PDK1: variants seen among roughly 807,000 people sequenced by gnomAD.
PDK1 encodes the protein [Pyruvate dehydrogenase (acetyl-transferring)] kinase isozyme 1, mitochondrial.
PDK1 carries 39 observed loss-of-function variants against 54.2 expected under a neutral mutation model. That is an observed-to-expected ratio of 0.72 (90% CI 0.56 to 0.94). The LOEUF (loss-of-function observed/expected upper bound fraction) is 0.94, where lower values mean the gene tolerates loss of function less well. PDK1 is among the 40% of genes least tolerant of loss of function. The pLI is 0.00. For synonymous variants in PDK1, 221 were observed against 207.1 expected (o/e 1.07, Z -0.58); for missense variants, 552 against 566.0 (o/e 0.98, Z 0.25).
At chr2:172,580,914 A>G (rs1689866999) in intron 8 of PDK1, among the ~76,000 whole-genome samples, 1 of 152,218 alleles carries the variant, frequency 6.6e-6, no homozygotes, top group Non-Finnish European at 1.5e-5. Context: ...AGGCAAATAT[A>G]TAGGGACAGA....
chr2:172,723,146 T>A, the PDK1 span: 14 of 152,104 alleles, frequency 9.2e-5, no homozygotes, highest in Non-Finnish European at 1.9e-4. Context: ...ACAGTCCTGA[T>A]ATAGATAAAC....
chr2:172,633,900 G>C, the PDK1 span, among the ~76,000 whole-genome samples: 3 of 91,844 alleles, frequency 3.3e-5, no homozygotes, highest in African/African-American at 1.2e-4. Context: ...TTTTGAGACA[G>C]AGCCTTGCTC....
At position 172,608,227 on chromosome 2, in the gene PDK1, T is replaced by C. The variant is rs1691358421; in HGVS notation, c.*12258T>C. The C allele has an allele frequency of 6.6e-6, 1 of 152,150 alleles. No homozygotes were observed. Among genetic ancestry groups the C allele is most frequent in the South Asian group, 2.1e-4 (1 of 4,822 alleles). The allele number at this position is 152,150 out of a possible 1,614,324, so 9.4% of individuals were successfully genotyped here. A position where few individuals can be genotyped will look rare whatever the true frequency, so the allele number is the denominator to read the frequency against. ...GCTGTACTAAAGTCTATTTAGGAAA[T>C]GGAAATATATAGCAAGAGGAGTCAG... is the stretch of plus-strand genomic sequence containing the variant. On this transcript the variant is annotated 3_prime_UTR_variant, in exon 11 of 11. Coordinates refer to ENST00000282077, the MANE Select transcript of PDK1 (RefSeq NM_002610.5).
chr2:172,556,147 C>A lies in PDK1; in HGVS notation c.-4C>A. 1 of 1,410,452 alleles carries A rather than the reference C, an allele frequency of 7.1e-7. No homozygotes were observed. Among genetic ancestry groups the A allele is most frequent in the South Asian group, 1.5e-5 (1 of 66,638 alleles). 87.4% of individuals were successfully genotyped at this position (1,410,452 alleles called of 1,614,324 possible). ...TGGCTGTGGCTTCTCTAGCGGGACT[C>A]GGCATGAGGCTGGCGCGGCTGCTTC... On this transcript the variant is annotated 5_prime_UTR_variant, in exon 1 of 11. Transcript: ENST00000282077.
intron 1 of PDK1, among the ~76,000 whole-genome samples, chr2:172,557,120 AC>A (rs1398540519): frequency 4.6e-5 from 7 of 152,322 alleles, no homozygotes; most frequent in Admixed American, 3.9e-4. Flanking sequence ...ATTGAACGAT[AC>A]CTGCATGGTT....
chr2:172,688,718 G>C, the PDK1 span, among the ~76,000 whole-genome samples: 1 of 152,182 alleles, frequency 6.6e-6, no homozygotes, highest in Admixed American at 6.5e-5. Flanking sequence ...ATTAGCCTCA[G>C]TGCACTCCCC....
chr2:172,647,442 A>G, the PDK1 span, among the ~76,000 whole-genome samples: 23 of 152,316 alleles, frequency 1.5e-4, 1 homozygote, highest in African/African-American at 5.5e-4. Flanking sequence ...TCAAAAAATA[A>G]TGGAGGCATG....
the PDK1 span, among the ~76,000 whole-genome samples, chr2:172,701,063 A>T: frequency 1.3e-5 from 2 of 151,764 alleles, no homozygotes; most frequent in Non-Finnish European, 2.9e-5. Context: ...AGGGAGAGGG[A>T]GAGCTCTTTT....
chr2:172,708,120 G>A, the PDK1 span, among the ~76,000 whole-genome samples: 4 of 151,988 alleles, frequency 2.6e-5, no homozygotes, highest in African/African-American at 9.7e-5. Context: ...TGGGAAACAT[G>A]GTGAAACCCT....
At chr2:172,555,879 G>T (rs1293292729), upstream of PDK1, 4 of 315,938 alleles carry the variant, frequency 1.3e-5, no homozygotes, top group Middle Eastern at 8.4e-4. Flanking sequence ...GCGGCCTGGC[G>T]CGCGCTCCGC....
chr2:172,686,442 C>G, the PDK1 span, among the ~76,000 whole-genome samples: 5 of 152,120 alleles, frequency 3.3e-5, no homozygotes, highest in African/African-American at 1.2e-4. Flanking sequence ...CTGTAGCTAG[C>G]TGGAGGTTTG....
the PDK1 span, among the ~76,000 whole-genome samples, chr2:172,621,967 A>G: frequency 6.7e-6 from 1 of 148,822 alleles, no homozygotes; most frequent in East Asian, 2.0e-4. Context: ...TATATCTCAT[A>G]TGATGTATGT....
At chr2:172,718,901 A>C in the PDK1 span, among the ~76,000 whole-genome samples, 1 of 152,244 alleles carries the variant, frequency 6.6e-6, no homozygotes, top group African/African-American at 2.4e-5. Flanking sequence ...GAGTTTGGAC[A>C]AAAGCATAAA....
intron 9 of PDK1, among the ~76,000 whole-genome samples, chr2:172,590,105 A>C (rs1171129956): frequency 6.6e-6 from 1 of 152,178 alleles, no homozygotes; most frequent in Non-Finnish European, 1.5e-5. Context: ...CCCGTCAGTG[A>C]GAATTAAGAA....
Position 172,593,041 on chromosome 2 carries a change from A to T in PDK1, c.1163A>T (p.Tyr388Phe), listed in dbSNP as rs764387815. The change falls in exon 10 of 11, where the codon TAC (tyrosine) becomes TTC (phenylalanine). Residue 388 changes from tyrosine to phenylalanine, a missense_variant. Physicochemically the swap from Tyr to Phe is conservative, Grantham distance 22. Coordinates refer to ENST00000282077, the MANE Select transcript of PDK1 (RefSeq NM_002610.5). ...GGTTACGGGACAGATGCAGTTATCTACATTAAGGTAATAGCTGTAGTCTTC... is the reference window on the plus strand; with the variant it reads ...GGTTACGGGACAGATGCAGTTATCTTCATTAAGGTAATAGCTGTAGTCTTC... Reference protein sequence around the residue: ...LEGYGTDAVIYIKALSTDSIE... With the variant: ...LEGYGTDAVIFIKALSTDSIE... 7.4e-6 allele frequency: 11 copies of T among 1,478,332 alleles called. No homozygotes were observed. The highest frequency in any genetic ancestry group is 1.0e-5 in the Non-Finnish European group (11 of 1,056,932). The allele number at this position is 1,478,332 out of a possible 1,614,324, so 91.6% of individuals were successfully genotyped here.
At chr2:172,621,660 T>TATATATG in the PDK1 span, among the ~76,000 whole-genome samples, 1 of 147,892 alleles carries the variant, frequency 6.8e-6, no homozygotes, top group South Asian at 2.1e-4. Flanking sequence ...ATGTTTATCA[T>TATATATG]ATATATGATA....
rs1338873914 is a variant in PDK1, at chr2:172,607,860, C to T, written c.*11891C>T. On this transcript the variant is annotated 3_prime_UTR_variant, in exon 11 of 11. Transcript: ENST00000282077. Reference sequence around the variant, plus strand: ...CTACAGTTTCCAGTTCAGAGCAGTACACCATACTCAGTGTATACTTACACT... The same window carrying T: ...CTACAGTTTCCAGTTCAGAGCAGTATACCATACTCAGTGTATACTTACACT... 2 of 152,176 alleles carry T rather than the reference C, an allele frequency of 1.3e-5. No homozygotes were observed. Among genetic ancestry groups the T allele is most frequent in the South Asian group, 2.1e-4 (1 of 4,826 alleles). 9.4% of individuals were successfully genotyped at this position (152,176 alleles called of 1,614,324 possible).
the PDK1 span, among the ~76,000 whole-genome samples, chr2:172,644,449 A>G: frequency 6.6e-6 from 1 of 152,202 alleles, no homozygotes; most frequent in South Asian, 2.1e-4. Flanking sequence ...TAATATGGGA[A>G]TGGTAATAGT....
At chr2:172,718,791 G>A in the PDK1 span, among the ~76,000 whole-genome samples, 1 of 152,142 alleles carries the variant, frequency 6.6e-6, no homozygotes, top group Admixed American at 6.5e-5. Context: ...GGAAGCCAGA[G>A]TCCCTGTCTT....
Sources: gnomAD v4.1 joint callset for allele counts (sites outside exome capture counted in the v4.1 genomes callset) on GRCh38, gnomAD v4.1.1 for gene constraint, MANE v1.5 for transcripts, NCBI Gene and HGNC (gene_info 2026-07-23, HGNC 2026-07-21) for gene names.